The following PPP1R9A variants were observed in gnomAD, a reference collection of about 807,000 sequenced individuals.
PPP1R9A encodes neurabin-1.
Under a neutral mutation model 141.9 loss-of-function variants are expected in PPP1R9A, and 59 were observed. That is an observed-to-expected ratio of 0.42 (90% CI 0.34 to 0.52). The LOEUF is 0.52. Among genes scored for constraint, PPP1R9A ranks in the 20% least tolerant of loss-of-function variants. The pLI, the probability that PPP1R9A is intolerant of heterozygous loss-of-function variation, is 0.10. For synonymous variants in PPP1R9A, 500 were observed against 569.7 expected (o/e 0.88, Z 1.74); for missense variants, 1,444 against 1,611.9 (o/e 0.90, Z 1.78).
intron 4 of PPP1R9A, among the ~76,000 whole-genome samples, chr7:95,125,006 T>C (rs1041868739): frequency 3.3e-5 from 5 of 152,206 alleles, no homozygotes; most frequent in African/African-American, 9.6e-5. Flanking sequence ...GACCCTTCCT[T>C]ATTCTTTGAT....
chr7:95,016,832 G>A (rs1010887243), intron 2 of PPP1R9A, among the ~76,000 whole-genome samples: 1 of 152,104 alleles, frequency 6.6e-6, no homozygotes, highest in African/African-American at 2.4e-5. Context: ...TATGTGTTAT[G>A]GATTGAATCG....
chr7:95,289,874 G>A (rs1190774568), intron 19 of PPP1R9A, among the ~76,000 whole-genome samples: 1 of 152,140 alleles, frequency 6.6e-6, no homozygotes, highest in Non-Finnish European at 1.5e-5. Context: ...TAATTAATGA[G>A]CTTTAGGGTA....
At chr7:95,056,694 A>G (rs775057288) in intron 2 of PPP1R9A, among the ~76,000 whole-genome samples, 1 of 152,154 alleles carries the variant, frequency 6.6e-6, no homozygotes, top group Non-Finnish European at 1.5e-5. Context: ...AGTAATACTA[A>G]TGGCATTTAC....
intron 2 of PPP1R9A, among the ~76,000 whole-genome samples, chr7:94,990,283 C>G (rs774814362): frequency 6.6e-6 from 1 of 152,090 alleles, no homozygotes; most frequent in African/African-American, 2.4e-5. Flanking sequence ...TCAGTTTTCT[C>G]ATGTGCAAAA....
chr7:95,091,637 A>G lies in PPP1R9A; in HGVS notation c.1396-19622A>G, dbSNP rs941320049. ...GGGATTACAGGCGTGAGCCACCATG[A>G]CCAGCCTTAAATCTTTGTAGATGAA... On this transcript the variant is annotated intron_variant, in intron 2 of 19. Coordinates refer to ENST00000433360, the MANE Select transcript of PPP1R9A (RefSeq NM_001166160.2). Among the ~76,000 whole-genome samples the G allele has an allele frequency of 2.6e-5, 4 of 151,482 alleles. 1 individual carries two copies. The highest frequency in any genetic ancestry group is 9.7e-5 in the African/African-American group (4 of 41,110).
intron 4 of PPP1R9A, chr7:95,156,077 T>A (rs1401862042): frequency 6.6e-6 from 1 of 152,284 alleles, no homozygotes; most frequent in African/African-American, 2.4e-5. Flanking sequence ...CTGACACTAC[T>A]GGCCTGGATC....
At chr7:95,150,742 C>G (rs1828517179) in intron 4 of PPP1R9A, among the ~76,000 whole-genome samples, 1 of 150,820 alleles carries the variant, frequency 6.6e-6, no homozygotes, top group Non-Finnish European at 1.5e-5. Context: ...TAGACTAGGA[C>G]AAATATTTAA....
At chr7:95,028,098 C>T (rs888460169) in intron 2 of PPP1R9A, among the ~76,000 whole-genome samples, 1 of 152,092 alleles carries the variant, frequency 6.6e-6, no homozygotes, top group Non-Finnish European at 1.5e-5. Flanking sequence ...CTCATATCAC[C>T]AAAGGTTCTT....
At chr7:95,187,407 C>T (rs1834808901) in intron 5 of PPP1R9A, among the ~76,000 whole-genome samples, 1 of 152,058 alleles carries the variant, frequency 6.6e-6, no homozygotes, top group African/African-American at 2.4e-5. Flanking sequence ...ATTTTCTCTT[C>T]TTGGTTAGTT....
At chr7:95,030,237 G>C (rs1358380754) in intron 2 of PPP1R9A, among the ~76,000 whole-genome samples, 1 of 152,106 alleles carries the variant, frequency 6.6e-6, no homozygotes, top group Non-Finnish European at 1.5e-5. Flanking sequence ...CAGTGTAGCT[G>C]GTCAGATCCA....
At chr7:95,149,621 A>G (rs1828281048) in intron 4 of PPP1R9A, among the ~76,000 whole-genome samples, 1 of 151,938 alleles carries the variant, frequency 6.6e-6, no homozygotes, top group Non-Finnish European at 1.5e-5. Context: ...ATTAAAATTC[A>G]TTTCTGTTAA....
chr7:95,061,462 G>A (rs1019675574), intron 2 of PPP1R9A, among the ~76,000 whole-genome samples: 8 of 152,170 alleles, frequency 5.3e-5, no homozygotes, highest in South Asian at 2.1e-4. Context: ...GGCGCTGGAC[G>A]CGGTGGCTCA....
chr7:95,086,236 G>C (rs1036418326), intron 2 of PPP1R9A, among the ~76,000 whole-genome samples: 2 of 151,990 alleles, frequency 1.3e-5, no homozygotes, highest in Non-Finnish European at 2.9e-5. Flanking sequence ...ACACATTGTA[G>C]AAGTGGTTTT....
At chr7:95,244,579 G>C (rs551137773) in intron 8 of PPP1R9A, among the ~76,000 whole-genome samples, 1 of 152,138 alleles carries the variant, frequency 6.6e-6, no homozygotes, top group African/African-American at 2.4e-5. Flanking sequence ...TGCATGCCAC[G>C]TATTTGGTTA....
intron 2 of PPP1R9A, among the ~76,000 whole-genome samples, chr7:94,945,349 T>C (rs1013357157): frequency 1.3e-5 from 2 of 152,012 alleles, no homozygotes; most frequent in Non-Finnish European, 2.9e-5. Context: ...TGAATACAGC[T>C]AGGGTTAGGT....
intron 2 of PPP1R9A, among the ~76,000 whole-genome samples, chr7:95,107,380 C>T (rs1191743522): frequency 6.6e-6 from 1 of 151,992 alleles, no homozygotes; most frequent in Non-Finnish European, 1.5e-5. Context: ...ATTTTATTGC[C>T]TAGAAGTTTT....
intron 2 of PPP1R9A, among the ~76,000 whole-genome samples, chr7:95,055,841 GT>G (rs2152036160): frequency 6.6e-6 from 1 of 152,150 alleles, no homozygotes; most frequent in South Asian, 2.1e-4. Flanking sequence ...GGAATTTCTT[GT>G]TCTTATTTTC....
intron 4 of PPP1R9A, among the ~76,000 whole-genome samples, chr7:95,122,398 T>C (rs1319792897): frequency 1.3e-5 from 2 of 152,124 alleles, no homozygotes; most frequent in African/African-American, 4.8e-5. Flanking sequence ...CCACCTGCCT[T>C]GGCCTCCCAA....
chr7:95,071,347 G>T (rs1457417091), intron 2 of PPP1R9A, among the ~76,000 whole-genome samples: 2 of 151,954 alleles, frequency 1.3e-5, no homozygotes, highest in African/African-American at 4.8e-5. Flanking sequence ...AAGCTCACTA[G>T]GGTGATATTG....
Sources: gnomAD v4.1 joint callset for allele counts (sites outside exome capture counted in the v4.1 genomes callset) on GRCh38, gnomAD v4.1.1 for gene constraint, MANE v1.5 for transcripts, NCBI Gene and HGNC (gene_info 2026-07-23, HGNC 2026-07-21) for gene names.